Variants in ARSF observed in about 807,000 individuals in gnomAD.
The protein encoded by ARSF is arylsulfatase F.
Under a neutral mutation model 35.4 loss-of-function variants are expected in ARSF, and 33 were observed. That is an observed-to-expected ratio of 0.93 (90% CI 0.71 to 1.25). The LOEUF is 1.25. ARSF is among the 50% of genes most tolerant of loss of function. The pLI is 0.00. For missense variants in ARSF, 501 were observed against 480.2 expected, an observed-to-expected ratio of 1.04 and a Z score of -0.40; for synonymous variants, 222 against 193.1, an observed-to-expected ratio of 1.15 and a Z score of -1.24.
intron 3 of ARSF, among the ~76,000 whole-genome samples, chrX:3,072,959 T>C (rs1234653521): frequency 2.0e-5 from 2 of 102,015 alleles, no homozygotes; most frequent in East Asian, 2.9e-4. Context: ...ATGAATATGT[T>C]ATTCATATAT....
intron 2 of ARSF, among the ~76,000 whole-genome samples, chrX:3,068,392 A>T: frequency 9.0e-6 from 1 of 110,955 alleles, no homozygotes; most frequent in Non-Finnish European, 1.9e-5. Context: ...TTTCCAACAG[A>T]TACATATGAG....
Position 3,112,439 on chromosome X carries a change from C to G in ARSF, c.1656C>G (p.Leu552=), listed in dbSNP as rs769200995. The G allele has an allele frequency of 1.7e-6, 2 of 1,211,719 alleles. No individual in the cohort carries two copies. The highest frequency in any genetic ancestry group is 2.2e-5 in the Admixed American group (1 of 45,983). Residue 552 remains leucine (L), a synonymous_variant, in exon 11 of 11, where the codon CTC becomes CTG. Coordinates refer to ENST00000381127, the MANE Select transcript of ARSF (RefSeq NM_001201539.2). ...CCATCGTGCCTGTGACCTACCAACT[C>G]TCAGAACTGAATCAGGGCAGGACGT... is the stretch of plus-strand genomic sequence containing the variant. ...QETIVPVTYQ[L]SELNQGRTWL...
intron 1 of ARSF, among the ~76,000 whole-genome samples, chrX:3,057,644 C>G (rs2090024399): frequency 8.9e-6 from 1 of 111,929 alleles, no homozygotes; most frequent in Non-Finnish European, 1.9e-5. Context: ...ATTACAATTT[C>G]ACTTTATTTC....
chrX:3,042,103 G>A (rs1047671239), intron 1 of ARSF, among the ~76,000 whole-genome samples: 3 of 111,987 alleles, frequency 2.7e-5, no homozygotes, highest in African/African-American at 9.7e-5. Context: ...CTTTGTTTCT[G>A]TACTTTTTGA....
At chrX:3,056,814 C>T (rs951725715) in intron 1 of ARSF, among the ~76,000 whole-genome samples, 4 of 111,443 alleles carry the variant, frequency 3.6e-5, no homozygotes, top group Non-Finnish European at 7.5e-5. Context: ...CTATGATTCT[C>T]TTCCGATCAC....
At chrX:3,073,556 T>A (rs868325586) in intron 3 of ARSF, among the ~76,000 whole-genome samples, 1 of 95,794 alleles carries the variant, frequency 1.0e-5, no homozygotes, top group East Asian at 2.9e-4. Context: ...ATATTATTTA[T>A]TAATATATAT....
upstream of ARSF, among the ~76,000 whole-genome samples, chrX:3,040,425 T>G (rs1349306620): frequency 1.8e-5 from 2 of 110,814 alleles, no homozygotes; most frequent in Non-Finnish European, 3.8e-5. Context: ...CCTTTTTATT[T>G]TTCTCCTAGG....
chrX:3,103,696 A>G, intron 8 of ARSF, 66 bp from the exon 9 acceptor site: 1 of 1,146,749 alleles, frequency 8.7e-7, no homozygotes, highest in Non-Finnish European at 1.2e-6. Flanking sequence ...TACCTTTTAA[A>G]TACATTCAAT....
chrX:3,086,349 T>G (rs1283343863), intron 6 of ARSF, among the ~76,000 whole-genome samples: 3 of 112,348 alleles, frequency 2.7e-5, no homozygotes, highest in African/African-American at 9.7e-5. Context: ...CTGTCGAGTT[T>G]CAAAAGTTCC....
At chrX:3,098,488 A>AT (rs1384528937) in intron 7 of ARSF, among the ~76,000 whole-genome samples, 2 of 110,874 alleles carry the variant, frequency 1.8e-5, no homozygotes, top group African/African-American at 6.6e-5. Flanking sequence ...TAATTGAATC[A>AT]TGGAGGCAGT....
Position 3,101,144 on chromosome X carries a change from T to C in ARSF, c.1025T>C (p.Phe342Ser). The change falls in exon 8 of 11, where the codon TTT (phenylalanine) becomes TCT (serine). Residue 342 changes from phenylalanine to serine, a missense_variant. Phe to Ser is a radical substitution (Grantham distance 155). Transcript: ENST00000381127. Reference protein sequence around the residue: ...FGLRNNTLVYFTSDHGGHLEA... With the variant: ...FGLRNNTLVYSTSDHGGHLEA... ...CTAAGGAACAACACCCTTGTCTACT[T>C]TACATCAGATCACGGAGGGCATTTG... The C allele has an allele frequency of 8.3e-7, 1 of 1,211,081 alleles. No homozygotes were observed. Among genetic ancestry groups the C allele is most frequent in the Non-Finnish European group, 1.1e-6 (1 of 895,064 alleles).
chrX:3,066,969 C>T (rs1337591053), intron 1 of ARSF: 5 of 106,941 alleles, frequency 4.7e-5, no homozygotes, highest in Non-Finnish European at 9.6e-5. Flanking sequence ...GATCCATTGA[C>T]CTATTGTATT....
intron 4 of ARSF, among the ~76,000 whole-genome samples, chrX:3,078,346 T>G (rs1229470221): frequency 4.5e-5 from 5 of 110,320 alleles, no homozygotes; most frequent in African/African-American, 1.7e-4. Context: ...TGCACCACTA[T>G]GCCTGGCTAA....
At position 3,101,198 on chromosome X, in the gene ARSF, G is replaced by A. The variant is rs1352025464; in HGVS notation, c.1079G>A (p.Gly360Asp). The A allele has an allele frequency of 2.5e-6, 3 of 1,211,438 alleles. No homozygotes were observed. The highest frequency in any genetic ancestry group is 1.7e-5 in the African/African-American group (1 of 57,818). ...LEARRGHAQL[G>D]GWNGIYKGGK... ...GCTAGGCGAGGGCATGCCCAACTTG[G>A]TGGATGGAATGGAATATACAAAGGT... is the stretch of plus-strand genomic sequence containing the variant. The change falls in exon 8 of 11, where the codon GGT becomes GAT. Residue 360 changes from glycine (G) to aspartate (D), a missense_variant. Gly to Asp is a moderately conservative substitution (Grantham distance 94, BLOSUM62 -1). Coordinates refer to ENST00000381127, the MANE Select transcript of ARSF (RefSeq NM_001201539.2).
rs757756592 is a variant in ARSF, at chrX:3,101,100, T to A, written c.981T>A (p.Asp327Glu). 4 of 1,207,665 alleles carry A rather than the reference T, an allele frequency of 3.3e-6. No homozygotes were observed. In the African/African-American group the frequency reaches 7.0e-5, roughly 21 times the overall value. Reference sequence around the variant, plus strand: ...ATATTATTTTAGGCAAGATTCTTGATGCTATCGATGATTTTGGCCTAAGGA... The same window carrying A: ...ATATTATTTTAGGCAAGATTCTTGAAGCTATCGATGATTTTGGCCTAAGGA... Reference protein sequence around the residue: ...EMDSMVGKILDAIDDFGLRNN... With the variant: ...EMDSMVGKILEAIDDFGLRNN... The change falls in exon 8 of 11, where the codon GAT becomes GAA. Residue 327 changes from aspartate (D) to glutamate (E), a missense_variant. Physicochemically the swap from Asp to Glu is conservative, Grantham distance 45. Coordinates refer to ENST00000381127, the MANE Select transcript of ARSF (RefSeq NM_001201539.2).
At chrX:3,066,080 AACCAGTCTCAT>A (rs1274223080) in intron 1 of ARSF, among the ~76,000 whole-genome samples, 1 of 111,655 alleles carries the variant, frequency 9.0e-6, no homozygotes, top group East Asian at 2.8e-4. Flanking sequence ...ACAGAGAGAC[AACCAGTCTCAT>A]AAACAAAACA....
intron 2 of ARSF, among the ~76,000 whole-genome samples, chrX:3,070,536 C>T (rs764514629): frequency 9.0e-6 from 1 of 111,143 alleles, no homozygotes; most frequent in Non-Finnish European, 1.9e-5. Flanking sequence ...CCCCTGAGTA[C>T]GTGTTTTCAG....
rs372202882 is a variant in ARSF, at chrX:3,101,130, C to T, written c.1011C>T (p.Asn337=). 4 of 1,208,782 alleles carry T rather than the reference C, an allele frequency of 3.3e-6. No individual in the cohort carries two copies. In the African/African-American group the frequency reaches 5.3e-5, roughly 16 times the overall value. The change falls in exon 8 of 11, where the codon AAC becomes AAT. Residue 337 remains asparagine (N), a synonymous_variant. Coordinates refer to ENST00000381127, the MANE Select transcript of ARSF (RefSeq NM_001201539.2). The part of the protein sequence containing the change: ...DAIDDFGLRN[N]TLVYFTSDHG... ...TCGATGATTTTGGCCTAAGGAACAA[C>T]ACCCTTGTCTACTTTACATCAGATC...
chrX:3,096,891 G>A (rs2147533342), intron 7 of ARSF, among the ~76,000 whole-genome samples: 1 of 111,306 alleles, frequency 9.0e-6, no homozygotes, highest in African/African-American at 3.3e-5. Flanking sequence ...TAGGGTCGTT[G>A]CAGGTGGAAT....
Sources: allele counts gnomAD v4.1 joint callset (sites outside exome capture counted in the v4.1 genomes callset), GRCh38; gene constraint gnomAD v4.1.1; transcripts MANE v1.5; gene names NCBI Gene and HGNC (gene_info 2026-07-23, HGNC 2026-07-21).